NRG1: variants seen among roughly 807,000 people sequenced by gnomAD.
NRG1 encodes neuregulin 1.
In NRG1, 18 loss-of-function variants were observed where a neutral mutation model predicts 63.8. That is an observed-to-expected ratio of 0.28 (90% CI 0.19 to 0.42). The LOEUF is 0.42. NRG1 is among the 10% of genes least tolerant of loss of function. The pLI is 1.00. For missense variants in NRG1, 762 were observed against 814.7 expected, an observed-to-expected ratio of 0.94 and a Z score of 0.79; for synonymous variants, 302 against 301.3, an observed-to-expected ratio of 1.00 and a Z score of -0.02.
chr8:31,872,913 C>T (rs981811340), intron 1 of NRG1, among the ~76,000 whole-genome samples: 1 of 152,162 alleles, frequency 6.6e-6, no homozygotes, highest in African/African-American at 2.4e-5. Flanking sequence ...TCTTTGAATT[C>T]TCTCCCTTTC....
intron 1 of NRG1, among the ~76,000 whole-genome samples, chr8:31,911,443 A>G (rs1428715953): frequency 6.6e-6 from 1 of 152,178 alleles, no homozygotes; most frequent in Non-Finnish European, 1.5e-5. Flanking sequence ...AGGAACATGG[A>G]TGGAGCTGGA....
At chr8:31,841,467 G>A (rs1178983158) in intron 1 of NRG1, among the ~76,000 whole-genome samples, 1 of 152,096 alleles carries the variant, frequency 6.6e-6, no homozygotes, top group Non-Finnish European at 1.5e-5. Flanking sequence ...AGATTTTTCT[G>A]GCAGAGACAT....
At chr8:31,863,758 C>A (rs995885568) in intron 1 of NRG1, among the ~76,000 whole-genome samples, 7 of 152,190 alleles carry the variant, frequency 4.6e-5, no homozygotes, top group African/African-American at 1.7e-4. Context: ...TACATCAAAT[C>A]TTCTGGAAAG....
At chr8:31,736,154 T>C (rs368955082) in intron 1 of NRG1, among the ~76,000 whole-genome samples, 2 of 152,086 alleles carry the variant, frequency 1.3e-5, no homozygotes, top group South Asian at 2.1e-4. Flanking sequence ...GACCTCTTTT[T>C]CTACCACCGC....
At chr8:32,730,329 T>C (rs886392934) in intron 6 of NRG1, among the ~76,000 whole-genome samples, 1 of 152,126 alleles carries the variant, frequency 6.6e-6, no homozygotes, top group African/African-American at 2.4e-5. Context: ...GGCATGCACC[T>C]GTAGTCCCAA....
intron 5 of NRG1, among the ~76,000 whole-genome samples, chr8:32,692,751 G>A (rs1404833154): frequency 1.3e-5 from 2 of 151,736 alleles, no homozygotes; most frequent in African/African-American, 4.9e-5. Context: ...GAGTCAGTGT[G>A]GCACTTCTGA....
chr8:31,869,609 G>A (rs1001804429), intron 1 of NRG1, among the ~76,000 whole-genome samples: 5 of 152,256 alleles, frequency 3.3e-5, no homozygotes, highest in East Asian at 1.9e-4. Context: ...CTCTTGCCTC[G>A]TTTTTGCCTT....
chr8:32,403,316 AAAAG>A (rs1563415216), intron 1 of NRG1, among the ~76,000 whole-genome samples: 1 of 151,208 alleles, frequency 6.6e-6, no homozygotes. Flanking sequence ...AAAAAAAAAA[AAAAG>A]AAAGAAAAAA....
chr8:31,930,844 G>A (rs1470788689), intron 1 of NRG1, among the ~76,000 whole-genome samples: 1 of 152,100 alleles, frequency 6.6e-6, no homozygotes, highest in Non-Finnish European at 1.5e-5. Context: ...AGAATCATCT[G>A]TAGCAATTGC....
chr8:32,705,836 T>C (rs1436387762), intron 5 of NRG1, among the ~76,000 whole-genome samples: 2 of 152,228 alleles, frequency 1.3e-5, no homozygotes, highest in African/African-American at 4.8e-5. Context: ...CTACCTGCCG[T>C]TGCAATGAGT....
chr8:32,239,723 C>A (rs377599193), intron 1 of NRG1, among the ~76,000 whole-genome samples: 2 of 151,940 alleles, frequency 1.3e-5, no homozygotes, highest in African/African-American at 4.8e-5. Flanking sequence ...AAAATCCAAA[C>A]GATCCAATTA....
At chr8:32,642,747 T>G (rs1852666052) in intron 5 of NRG1, among the ~76,000 whole-genome samples, 1 of 152,232 alleles carries the variant, frequency 6.6e-6, no homozygotes, top group Non-Finnish European at 1.5e-5. Context: ...CCGTAAAATT[T>G]AGGAGCAAGA....
intron 1 of NRG1, among the ~76,000 whole-genome samples, chr8:32,480,177 C>G (rs536508862): frequency 1.3e-5 from 2 of 152,014 alleles, no homozygotes; most frequent in African/African-American, 4.8e-5. Context: ...GTGGTCCCAG[C>G]CTACGAGGTG....
chr8:31,862,178 G>A (rs1325810825), intron 1 of NRG1, among the ~76,000 whole-genome samples: 1 of 152,188 alleles, frequency 6.6e-6, no homozygotes, highest in Non-Finnish European at 1.5e-5. Context: ...ACATCAGGGA[G>A]CAGATACCTC....
chr8:32,040,746 GGCGCATATATATATATATATAT>G, intron 1 of NRG1, among the ~76,000 whole-genome samples: 1 of 3,946 alleles, frequency 2.5e-4, no homozygotes, highest in South Asian at 0.017. Context: ...ATGAAATTTA[GGCGCATATATATATATATATAT>G]GCGCCTAAAT....
intron 1 of NRG1, among the ~76,000 whole-genome samples, chr8:31,936,282 C>A (rs2129620437): frequency 6.6e-6 from 1 of 152,266 alleles, no homozygotes; most frequent in Middle Eastern, 3.4e-3. Context: ...CTTTCCTGGG[C>A]TAAACCTTGA....
chr8:32,250,240 C>G (rs1241124175), intron 1 of NRG1, among the ~76,000 whole-genome samples: 1 of 152,082 alleles, frequency 6.6e-6, no homozygotes, highest in Admixed American at 6.6e-5. Flanking sequence ...AAGCATCTAG[C>G]CAAGTTCCAC....
At chr8:32,242,649 C>A (rs189343093) in intron 1 of NRG1, among the ~76,000 whole-genome samples, 2 of 152,210 alleles carry the variant, frequency 1.3e-5, no homozygotes, top group Admixed American at 1.3e-4. Flanking sequence ...AATTATTTTG[C>A]ACCAACCTAA....
chr8:32,403,367 G>A (rs1298135153), intron 1 of NRG1, among the ~76,000 whole-genome samples: 1 of 151,352 alleles, frequency 6.6e-6, no homozygotes, highest in African/African-American at 2.4e-5. Context: ...TGTGTGCAAG[G>A]CACTTGATAG....
Sources: allele counts gnomAD v4.1 joint callset (sites outside exome capture counted in the v4.1 genomes callset), GRCh38; gene constraint gnomAD v4.1.1; transcripts MANE v1.5; gene names NCBI Gene and HGNC (gene_info 2026-07-23, HGNC 2026-07-21).